DLEC1: variants seen among roughly 807,000 people sequenced by gnomAD.
The protein encoded by DLEC1 is deleted in lung and esophageal cancer protein 1.
DLEC1 carries 146 observed loss-of-function variants against 198.1 expected under a neutral mutation model. The ratio of observed to expected loss-of-function variants is 0.74; its 90% confidence interval spans 0.64 to 0.85. DLEC1 has a LOEUF of 0.85. DLEC1 is among the 40% of genes least tolerant of loss of function. The probability of loss-of-function intolerance (pLI) is 0.00; values close to 1 mark genes in which losing one functional copy is unlikely to be tolerated. For synonymous variants in DLEC1, 897 were observed against 866.8 expected (o/e 1.03, Z -0.61); for missense variants, 2,233 against 2,220.0 (o/e 1.01, Z -0.12).
Position 38,104,404 on chromosome 3 carries a change from C to A in DLEC1, c.2865-3180C>A, listed in dbSNP as rs1575210024. On this transcript the variant is annotated intron_variant, in intron 19 of 36. Transcript: ENST00000308059. ...CGTGGGAGGCAGAGGCTGCAGTGAGCCGAGATTGTGCCACTGCACTCCAGC... is the reference window on the plus strand; with the variant it reads ...CGTGGGAGGCAGAGGCTGCAGTGAGACGAGATTGTGCCACTGCACTCCAGC... Among the ~76,000 whole-genome samples the A allele has an allele frequency of 2.0e-5, 3 of 152,254 alleles. No homozygotes were observed. In the South Asian group the frequency reaches 6.2e-4, roughly 32 times the overall value.
In DLEC1 at chr3:38,084,206, G is replaced by A; in HGVS notation, c.1222G>A (p.Val408Ile). ...NTTTTSRYLR[V>I]LPPSTPYFAL... ...CACCACGACCAGCCGCTACCTGCGA[G>A]TCCTCCCGCCTTCCACGCCATACTT... The change falls in exon 7 of 37, where the codon GTC (valine) becomes ATC (isoleucine). Residue 408 changes from valine to isoleucine, a missense_variant. By Grantham distance (29) the Val-to-Ile change is conservative. Coordinates refer to ENST00000308059, the MANE Select transcript of DLEC1 (RefSeq NM_007335.4). 6.2e-7 allele frequency: 1 copy of A among 1,613,322 alleles called. No homozygotes were observed. Among genetic ancestry groups the A allele is most frequent in the South Asian group, 1.1e-5 (1 of 91,084 alleles).
chr3:38,081,643 G>A (rs1481730337), intron 6 of DLEC1, among the ~76,000 whole-genome samples: 19 of 93,796 alleles, frequency 2.0e-4, no homozygotes, highest in Admixed American at 2.0e-4. Context: ...CCTCCCGGAC[G>A]GGGCGGCTGG....
In DLEC1 at chr3:38,108,764, T is replaced by C. The variant is rs947602098; in HGVS notation, c.3129+249T>C. Among the ~76,000 whole-genome samples, 5 of 152,324 alleles carry C rather than the reference T, an allele frequency of 3.3e-5. No homozygotes were observed. In the East Asian group the frequency reaches 7.7e-4, roughly 24 times the overall value. On this transcript the variant is annotated intron_variant, in intron 21 of 36. Transcript: ENST00000308059. ...CACTGGCCATGCCTGGCCTTTGGCA[T>C]GAGTTTTTGCCCTCCCCAGGCCATT...
At chr3:38,122,245 TG>T in intron 36 of DLEC1, 43 bp from the exon 37 acceptor site, 1 of 1,608,198 alleles carries the variant, frequency 6.2e-7, no homozygotes. Context: ...CTGGACCCCC[TG>T]CCCAGGTGCC....
intron 19 of DLEC1, among the ~76,000 whole-genome samples, chr3:38,105,087 A>G (rs1699501141): frequency 6.6e-6 from 1 of 152,108 alleles, no homozygotes; most frequent in Non-Finnish European, 1.5e-5. Flanking sequence ...TTTAATTTGC[A>G]CATATTTTGT....
rs1364223199 is a variant in DLEC1, at chr3:38,085,380, G to A, written c.1368G>A (p.Val456=). The change falls in exon 8 of 37, where the codon GTG becomes GTA. Residue 456 remains valine, a synonymous_variant. Coordinates refer to ENST00000308059, the MANE Select transcript of DLEC1 (RefSeq NM_007335.4). Reference sequence around the variant, plus strand: ...GGGATTTTGATGATTTTATTTTAGTGGAGACCCAGTCAGCCCACACACTTC... The same window carrying A: ...GGGATTTTGATGATTTTATTTTAGTAGAGACCCAGTCAGCCCACACACTTC... The part of the protein sequence containing the change: ...CLGDFDDFIL[V]ETQSAHTLLI... 2 of 1,614,108 alleles carry A rather than the reference G, an allele frequency of 1.2e-6. No individual in the cohort carries two copies. Among genetic ancestry groups the A allele is most frequent in the East Asian group, 4.5e-5 (2 of 44,874 alleles).
Position 38,112,435 on chromosome 3 carries a change from C to A in DLEC1, c.3666+74C>A. On this transcript the variant is annotated intron_variant, in intron 25 of 36. Coordinates refer to ENST00000308059, the MANE Select transcript of DLEC1 (RefSeq NM_007335.4). This position sits in a 1 kb window ranked among gnomAD's most constrained non-coding sequence, Gnocchi z 4.8. Reference sequence around the variant, plus strand: ...AGCCCTCGCCTTCAGCCTCTCTCCCCTCCAACACCTGGCCCTCAGACTCTC... The same window carrying A: ...AGCCCTCGCCTTCAGCCTCTCTCCCATCCAACACCTGGCCCTCAGACTCTC... 2 of 1,581,396 alleles carry A rather than the reference C, an allele frequency of 1.3e-6. No individual in the cohort carries two copies. Among genetic ancestry groups the A allele is most frequent in the South Asian group, 1.1e-5 (1 of 89,160 alleles).
chr3:38,044,266 A>G (rs1331581553), intron 1 of DLEC1, among the ~76,000 whole-genome samples: 1 of 152,036 alleles, frequency 6.6e-6, no homozygotes, highest in Non-Finnish European at 1.5e-5. Context: ...ATAAATAAGA[A>G]AGGAAAATAA....
chr3:38,093,567 G>T, intron 11 of DLEC1, 38 bp from the exon 12 acceptor site: 1 of 1,612,996 alleles, frequency 6.2e-7, no homozygotes, highest in Non-Finnish European at 8.5e-7. Context: ...TTCAGCCCTA[G>T]TGAGCCTTCA....
At position 38,122,640 on chromosome 3, in the gene DLEC1, T is replaced by C. The variant is rs1333755865; in HGVS notation, c.*228T>C. The C allele has an allele frequency of 2.0e-6, 3 of 1,500,820 alleles. No homozygotes were observed. The highest frequency in any genetic ancestry group is 2.7e-6 in the Non-Finnish European group (3 of 1,129,640). 93.0% of individuals were successfully genotyped at this position (1,500,820 alleles called of 1,614,324 possible). A position where few individuals can be genotyped will look rare whatever the true frequency, so the allele number is the denominator to read the frequency against. On this transcript the variant is annotated 3_prime_UTR_variant, in exon 37 of 37. Transcript: ENST00000308059. ...CACACCACAGCAGAGACCACCACAT[T>C]GAGATCACTACTCAGTGCATAGCGA...
At chr3:38,101,404 AAT>A (rs780838878) in intron 19 of DLEC1, among the ~76,000 whole-genome samples, 2 of 151,490 alleles carry the variant, frequency 1.3e-5, no homozygotes. Flanking sequence ...GCAGTGAATG[AAT>A]ATATATATAT....
Position 38,118,025 on chromosome 3 carries a change from G to C in DLEC1, c.4704+1G>C. 1 of 1,591,700 alleles carries C rather than the reference G, an allele frequency of 6.3e-7. No homozygotes were observed. Among genetic ancestry groups the C allele is most frequent in the Non-Finnish European group, 8.6e-7 (1 of 1,169,444 alleles). ...GCTCCAAGCACAGGAGAACATGCTG[G>C]TCAGTGGGGGAGTCTGCAGCCCTTG... On this transcript the variant is annotated splice_donor_variant, in intron 33 of 36. Transcript: ENST00000308059. LOFTEE classifies it high-confidence loss of function.
In DLEC1 at chr3:38,108,520, G is replaced by A. The variant is rs1276720198; in HGVS notation, c.3129+5G>A. The A allele has an allele frequency of 6.2e-7, 1 of 1,612,232 alleles. No individual in the cohort carries two copies. The highest frequency in any genetic ancestry group is 2.2e-5 in the East Asian group (1 of 44,870). On this transcript the variant is annotated splice_donor_5th_base_variant and intron_variant, in intron 21 of 36. Transcript: ENST00000308059. The stretch of plus-strand genomic sequence containing the variant: ...GAGTTGACTGCTCATACCCAGGTGA[G>A]TAAGGCAATGTAGGGCCTGAGTGAC...
rs1164638111 is a variant in DLEC1, at chr3:38,122,777, G to T, written c.*365G>T. 11 of 1,176,246 alleles carry T rather than the reference G, an allele frequency of 9.4e-6. No homozygotes were observed. The highest frequency in any genetic ancestry group is 1.3e-5 in the Non-Finnish European group (11 of 871,410). 72.9% of individuals were successfully genotyped at this position (1,176,246 alleles called of 1,614,324 possible). A position where few individuals can be genotyped will look rare whatever the true frequency, so the allele number is the denominator to read the frequency against. ...CATCCATGGATTTGCCTTGCCTTAA[G>T]AATTAACCATGGCCTTGTGGCCTGG... On this transcript the variant is annotated 3_prime_UTR_variant, in exon 37 of 37. Transcript: ENST00000308059.
chr3:38,118,432 G>T (rs1011893871), intron 33 of DLEC1, among the ~76,000 whole-genome samples: 4 of 152,150 alleles, frequency 2.6e-5, no homozygotes, highest in African/African-American at 9.7e-5. Context: ...TGAGCCCATG[G>T]GGTTGCCATA....
intron 10 of DLEC1, among the ~76,000 whole-genome samples, chr3:38,091,379 G>A (rs904161216): frequency 2.0e-5 from 3 of 152,222 alleles, no homozygotes; most frequent in South Asian, 4.2e-4. Context: ...TGGGAGGATC[G>A]CTTGAGCTCA....
Position 38,062,804 on chromosome 3 carries a change from A to C in DLEC1, c.1094+3A>C. On this transcript the variant is annotated splice_donor_region_variant and intron_variant, in intron 5 of 36. Transcript: ENST00000308059. ...CAGAGTACAGAGCCAGAACAGAGGT[A>C]TGTCTTTCTCTGGCTTGAACTCTCA... 1 of 1,613,162 alleles carries C rather than the reference A, an allele frequency of 6.2e-7. No individual in the cohort carries two copies. Among genetic ancestry groups the C allele is most frequent in the Non-Finnish European group, 8.5e-7 (1 of 1,179,712 alleles).
At chr3:38,084,296 G>GGTATTA in intron 7 of DLEC1, 51 bp downstream of exon 7, 1 of 1,501,200 alleles carries the variant, frequency 6.7e-7, no homozygotes, top group Non-Finnish European at 9.2e-7. Context: ...TAGTAGTGGT[G>GGTATTA]GTATTAGTAG....
chr3:38,107,101 T>C (rs1699605383), intron 19 of DLEC1, among the ~76,000 whole-genome samples: 1 of 152,164 alleles, frequency 6.6e-6, no homozygotes, highest in Non-Finnish European at 1.5e-5. Context: ...TTTCAACAAA[T>C]TCCTGGTGGC....
Sources: allele counts gnomAD v4.1 joint callset (sites outside exome capture counted in the v4.1 genomes callset), GRCh38; gene constraint gnomAD v4.1.1; non-coding constraint Gnocchi (gnomAD v3.1); transcripts MANE v1.5; gene names NCBI Gene and HGNC (gene_info 2026-07-23, HGNC 2026-07-21).